The following FADS1 variants were observed in gnomAD, a reference collection of about 807,000 sequenced individuals.
The protein encoded by FADS1 is acyl-CoA (8-3)-desaturase.
In FADS1, 17 loss-of-function variants were observed where a neutral mutation model predicts 61.6. That is an observed-to-expected ratio of 0.28 (90% CI 0.19 to 0.41). FADS1 has a LOEUF of 0.41. FADS1 is among the 10% of genes least tolerant of loss of function. The pLI, the probability that FADS1 is intolerant of heterozygous loss-of-function variation, is 1.00. For missense variants in FADS1, 387 were observed against 650.9 expected, an observed-to-expected ratio of 0.59 and a Z score of 4.41; for synonymous variants, 238 against 258.7, an observed-to-expected ratio of 0.92 and a Z score of 0.77.
intron 6 of FADS1, chr11:61,805,013 C>G (rs1489330249): frequency 1.8e-6 from 1 of 562,474 alleles, no homozygotes; most frequent in African/African-American, 1.9e-5. Context: ...GCGAGTGGCA[C>G]TCTTCAGTGA....
chr11:61,803,422 T>A lies in FADS1; in HGVS notation c.1189A>T (p.Met397Leu). ...ESNWFVWVTQMNHIPMHIDHD... is the reference protein window; with the variant it reads ...ESNWFVWVTQLNHIPMHIDHD... ...TCAATGTGCATGGGAATATGGTTCA[T>A]CTGTGTCACCCACACAAACCAGTTG... Residue 397 changes from methionine (M) to leucine (L), a missense_variant, in exon 9 of 12, where the codon ATG becomes TTG. By Grantham distance (15) the Met-to-Leu change is conservative. Transcript: ENST00000350997. This position sits in a 1 kb window ranked among gnomAD's most constrained non-coding sequence, Gnocchi z 4.3. The A allele has an allele frequency of 6.2e-7, 1 of 1,614,224 alleles. No homozygotes were observed. Among genetic ancestry groups the A allele is most frequent in the Non-Finnish European group, 8.5e-7 (1 of 1,180,024 alleles).
Position 61,806,743 on chromosome 11 carries a change from A to G in FADS1, c.916-19T>C. The G allele has an allele frequency of 6.2e-7, 1 of 1,612,230 alleles. No homozygotes were observed. Among genetic ancestry groups the G allele is most frequent in the Non-Finnish European group, 8.5e-7 (1 of 1,178,256 alleles). On this transcript the variant is annotated intron_variant, in intron 5 of 11. Coordinates refer to ENST00000350997, the MANE Select transcript of FADS1 (RefSeq NM_013402.7). ...TCCCAAGCTGTGAAGAAAAGCAAAC[A>G]CATGAGCATTCGGAGACCAGTGATT... is the stretch of plus-strand genomic sequence containing the variant.
rs1347624667 is a variant in FADS1 at position 61,816,658 on chromosome 11, C to A, written c.272G>T (p.Arg91Leu). The A allele has an allele frequency of 1.8e-5, 29 of 1,600,012 alleles. No individual in the cohort carries two copies. The highest frequency in any genetic ancestry group is 2.2e-5 in the Non-Finnish European group (26 of 1,174,254). ...EVAQRSGCEE[R>L]WLVIDRKVYN... is the part of the protein sequence containing the mutation. ...CACCTTACGGTCGATCACTAGCCAC[C>A]GCTCCTCGCACCCTGAGCGCTGGGC... The change falls in exon 1 of 12, where the codon CGG becomes CTG. Residue 91 changes from arginine to leucine, a missense_variant. By Grantham distance (102) the Arg-to-Leu change is moderately radical (BLOSUM62 -2). Coordinates refer to ENST00000350997, the MANE Select transcript of FADS1 (RefSeq NM_013402.7). The surrounding 1 kb of genome is among the most constrained non-coding windows in gnomAD (Gnocchi z 7.0).
intron 3 of FADS1, among the ~76,000 whole-genome samples, chr11:61,811,656 C>A (rs1347615029): frequency 6.7e-6 from 1 of 150,320 alleles, no homozygotes; most frequent in Non-Finnish European, 1.5e-5. Context: ...ATGGTGCCAA[C>A]TCGGCTCACT....
Position 61,806,497 on chromosome 11 carries a change from T to G in FADS1, c.976+167A>C. ...TCAGCCTAACTTCACTTCGCTCAGC[T>G]GAGATGGCAAACTGCTGTCATGCAG... On this transcript the variant is annotated intron_variant, in intron 6 of 11. Transcript: ENST00000350997. 7.7e-6 allele frequency: 5 copies of G among 645,552 alleles called. No homozygotes were observed. In the South Asian group the frequency reaches 9.0e-5, roughly 12 times the overall value. The allele number at this position is 645,552 out of a possible 1,614,324, so 40.0% of individuals were successfully genotyped here.
Position 61,803,511 on chromosome 11 carries a change from T to G in FADS1, c.1152-52A>C. ...ACAGTACACACAGAGCCCAGAATTCTGATTCCCCCCTCAGATAACTGCTCC... is the reference window on the plus strand; with the variant it reads ...ACAGTACACACAGAGCCCAGAATTCGGATTCCCCCCTCAGATAACTGCTCC... On this transcript the variant is annotated intron_variant, in intron 8 of 11. Transcript: ENST00000350997. The surrounding 1 kb of genome is among the most constrained non-coding windows in gnomAD (Gnocchi z 4.3). The G allele has an allele frequency of 6.7e-7, 1 of 1,503,282 alleles. No homozygotes were observed. The highest frequency in any genetic ancestry group is 9.3e-7 in the Non-Finnish European group (1 of 1,079,010). The allele number at this position is 1,503,282 out of a possible 1,614,324, so 93.1% of individuals were successfully genotyped here. A position where few individuals can be genotyped will look rare whatever the true frequency, so the allele number is the denominator to read the frequency against.
chr11:61,802,939 C>CG lies in FADS1; in HGVS notation c.1329-14dup, dbSNP rs770080578. On this transcript the variant is annotated splice_polypyrimidine_tract_variant and intron_variant, in intron 10 of 11. Coordinates refer to ENST00000350997, the MANE Select transcript of FADS1 (RefSeq NM_013402.7). The surrounding 1 kb of genome is among the most constrained non-coding windows in gnomAD (Gnocchi z 4.2). The stretch of plus-strand genomic sequence containing the variant: ...CGTGGGAAAAAGACTTTAGGGAGAA[C>CG]GGGGGAGTCAGTGGTTCCTGCTTCT... 1.2e-6 allele frequency: 2 copies of CG among 1,612,800 alleles called. No individual in the cohort carries two copies. Among genetic ancestry groups the CG allele is most frequent in the Non-Finnish European group, 1.7e-6 (2 of 1,179,112 alleles).
intron 3 of FADS1, chr11:61,811,979 C>T (rs746801612): frequency 4.7e-5 from 17 of 358,330 alleles, no homozygotes; most frequent in Non-Finnish European, 3.4e-5. Context: ...TCCCAAAGTG[C>T]TAGGATTACA....
chr11:61,813,973 A>G, intron 1 of FADS1, among the ~76,000 whole-genome samples: 1 of 151,084 alleles, frequency 6.6e-6, no homozygotes, highest in Non-Finnish European at 1.5e-5. Flanking sequence ...TCTCAAAAAA[A>G]AAAAAAAAAA....
chr11:61,809,535 G>C (rs746490799), intron 5 of FADS1, among the ~76,000 whole-genome samples: 4 of 152,104 alleles, frequency 2.6e-5, no homozygotes, highest in Non-Finnish European at 4.4e-5. Flanking sequence ...TCTGCTGATA[G>C]GAATTTCCTG....
chr11:61,809,914 C>T (rs568891528), intron 5 of FADS1, among the ~76,000 whole-genome samples: 74 of 152,276 alleles, frequency 4.9e-4, no homozygotes, highest in Non-Finnish European at 5.4e-4. Flanking sequence ...TGGCCAGGGG[C>T]GAGAGGAACG....
Position 61,803,381 on chromosome 11 carries a change from C to T in FADS1, c.1230G>A (p.Met410Ile). Residue 410 changes from methionine (M) to isoleucine (I), a missense_variant, in exon 9 of 12, where the codon ATG becomes ATA. Physicochemically the swap from Met to Ile is conservative, Grantham distance 10 (BLOSUM62 1). Transcript: ENST00000350997. The surrounding 1 kb of genome is among the most constrained non-coding windows in gnomAD (Gnocchi z 4.3). Reference sequence around the variant, plus strand: ...CCCTTACCTGGGTGGAAACCCAGTCCATGTTCCGGTCATGATCAATGTGCA... The same window carrying T: ...CCCTTACCTGGGTGGAAACCCAGTCTATGTTCCGGTCATGATCAATGTGCA... ...IPMHIDHDRN[M>I]DWVSTQLQAT... 1 of 1,613,830 alleles carries T rather than the reference C, an allele frequency of 6.2e-7. No homozygotes were observed. The highest frequency in any genetic ancestry group is 8.5e-7 in the Non-Finnish European group (1 of 1,179,716).
In FADS1 at chr11:61,803,469, G is replaced by A. The variant is rs755908463; in HGVS notation, c.1152-10C>T. The A allele has an allele frequency of 1.2e-6, 2 of 1,605,386 alleles. No individual in the cohort carries two copies. Among genetic ancestry groups the A allele is most frequent in the South Asian group, 1.1e-5 (1 of 90,912 alleles). ...GTTGCTTTCCAGGAACCTGTTAGAT[G>A]TATTACACAGACAAAAACAGTACAC... On this transcript the variant is annotated splice_polypyrimidine_tract_variant and intron_variant, in intron 8 of 11. Transcript: ENST00000350997. This position sits in a 1 kb window ranked among gnomAD's most constrained non-coding sequence, Gnocchi z 4.3.
At chr11:61,813,415 C>G in intron 1 of FADS1, 62 bp from the exon 2 acceptor site, 1 of 974,548 alleles carries the variant, frequency 1.0e-6, no homozygotes, top group Admixed American at 2.0e-5. Context: ...CGGCAGTGTT[C>G]GCACCAAAGG....
intron 3 of FADS1, among the ~76,000 whole-genome samples, chr11:61,811,585 C>T (rs1029665871): frequency 6.6e-6 from 1 of 151,792 alleles, no homozygotes; most frequent in African/African-American, 2.4e-5. Flanking sequence ...GGATAACAGG[C>T]GTGAGCCACC....
At chr11:61,813,894 G>GT (rs952489382) in intron 1 of FADS1, among the ~76,000 whole-genome samples, 6 of 151,424 alleles carry the variant, frequency 4.0e-5, no homozygotes, top group African/African-American at 7.3e-5. Flanking sequence ...GAACCCCGGG[G>GT]GAGGGCGGAG....
chr11:61,812,715 A>G (rs763743590), intron 2 of FADS1, 47 bp from the exon 3 acceptor site: 37 of 1,543,156 alleles, frequency 2.4e-5, no homozygotes, highest in African/African-American at 2.2e-4. Context: ...CTGCACCCCA[A>G]TGCTACTGGA....
chr11:61,813,107 C>A, intron 2 of FADS1, 136 bp downstream of exon 2: 1 of 720,164 alleles, frequency 1.4e-6, no homozygotes, highest in South Asian at 1.5e-5. Context: ...GCAAGAGAAG[C>A]AGGGACCTCA....
chr11:61,802,601 T>C lies in FADS1; in HGVS notation c.1455-139A>G, dbSNP rs75938339. 12,912 of 1,211,670 alleles carry C rather than the reference T, an allele frequency of 0.011. 95 individuals carry two copies. Among genetic ancestry groups the C allele is most frequent in the Middle Eastern group, 0.02 (79 of 3,938 alleles). The allele number at this position is 1,211,670 out of a possible 1,614,324, so 75.1% of individuals were successfully genotyped here. Reference sequence around the variant, plus strand: ...CTTTAGAGAAAGCTAGCTTGGGCCATGGTACTGAGGGGAACCCCAATGAGG... The same window carrying C: ...CTTTAGAGAAAGCTAGCTTGGGCCACGGTACTGAGGGGAACCCCAATGAGG... On this transcript the variant is annotated intron_variant, in intron 11 of 11. Transcript: ENST00000350997. The surrounding 1 kb of genome is among the most constrained non-coding windows in gnomAD (Gnocchi z 4.2).
Sources: gnomAD v4.1 joint callset for allele counts (sites outside exome capture counted in the v4.1 genomes callset) on GRCh38, gnomAD v4.1.1 for gene constraint, Gnocchi (gnomAD v3.1) non-coding constraint, MANE v1.5 for transcripts, NCBI Gene and HGNC (gene_info 2026-07-23, HGNC 2026-07-21) for gene names.